The following KCNIP4 variants were observed in gnomAD, a reference collection of about 807,000 sequenced individuals.
The protein encoded by KCNIP4 is Kv channel-interacting protein 4.
A neutral mutation model predicts 34.0 loss-of-function variants in KCNIP4; 12 were observed. That is an observed-to-expected ratio of 0.35 (90% CI 0.23 to 0.57). The LOEUF (loss-of-function observed/expected upper bound fraction) is 0.57. KCNIP4 is among the 20% of genes least tolerant of loss of function. The pLI, the probability that KCNIP4 is intolerant of heterozygous loss-of-function variation, is 0.83. For missense variants in KCNIP4, 238 were observed against 311.7 expected (o/e 0.76, Z 1.78); for synonymous variants, 124 against 102.2 (o/e 1.21, Z -1.29).
intron 2 of KCNIP4, among the ~76,000 whole-genome samples, chr4:20,854,561 A>G (rs186900169): frequency 6.6e-6 from 1 of 152,194 alleles, no homozygotes; most frequent in Non-Finnish European, 1.5e-5. Context: ...TGATGGGTAC[A>G]TCAAAATCTC....
chr4:20,858,023 C>T (rs1245750641), intron 2 of KCNIP4, among the ~76,000 whole-genome samples: 1 of 151,838 alleles, frequency 6.6e-6, no homozygotes, highest in Non-Finnish European at 1.5e-5. Context: ...GCCTGGCCAA[C>T]ATGGCAAAAC....
chr4:20,931,290 C>T (rs145172644), intron 1 of KCNIP4, among the ~76,000 whole-genome samples: 44 of 151,972 alleles, frequency 2.9e-4, no homozygotes, highest in Admixed American at 2.4e-3. Context: ...ATGGGTATAC[C>T]TGAAAAATAT....
intron 1 of KCNIP4, among the ~76,000 whole-genome samples, chr4:21,648,840 A>G (rs1747246803): frequency 6.6e-6 from 1 of 152,184 alleles, no homozygotes; most frequent in African/African-American, 2.4e-5. Context: ...CGCACATCAT[A>G]GAAAGTCAAA....
intron 5 of KCNIP4, among the ~76,000 whole-genome samples, chr4:20,748,554 C>T (rs968977038): frequency 4.1e-5 from 4 of 98,176 alleles, no homozygotes; most frequent in African/African-American, 1.5e-4. Context: ...ATGCACCTTC[C>T]AAATTTTATA....
intron 3 of KCNIP4, among the ~76,000 whole-genome samples, chr4:20,782,922 G>A (rs1459416886): frequency 1.3e-5 from 2 of 152,114 alleles, no homozygotes; most frequent in Non-Finnish European, 2.9e-5. Flanking sequence ...AAAATGGAAT[G>A]CTTTTAACAG....
At chr4:21,764,261 G>A (rs1410238127) in intron 1 of KCNIP4, among the ~76,000 whole-genome samples, 1 of 152,058 alleles carries the variant, frequency 6.6e-6, no homozygotes, top group Non-Finnish European at 1.5e-5. Context: ...ACACCAGCCA[G>A]GGAGACAAAC....
At chr4:21,477,827 C>T (rs1294744499) in intron 1 of KCNIP4, among the ~76,000 whole-genome samples, 1 of 152,172 alleles carries the variant, frequency 6.6e-6, no homozygotes, top group Non-Finnish European at 1.5e-5. Context: ...GAAGCATTCC[C>T]CAAGTGTCAG....
chr4:20,753,301 GA>G (rs1413827868), intron 4 of KCNIP4, among the ~76,000 whole-genome samples: 1 of 152,012 alleles, frequency 6.6e-6, no homozygotes, highest in African/African-American at 2.4e-5. Context: ...TACTAGAGTA[GA>G]AAAAACCCCT....
chr4:20,814,110 G>A (rs993131171), intron 3 of KCNIP4, among the ~76,000 whole-genome samples: 5 of 152,110 alleles, frequency 3.3e-5, no homozygotes, highest in Non-Finnish European at 5.9e-5. Flanking sequence ...GTATGGTGCT[G>A]GGAAGGGTCC....
chr4:21,341,433 G>A (rs1046956980), intron 1 of KCNIP4, among the ~76,000 whole-genome samples: 24 of 152,234 alleles, frequency 1.6e-4, no homozygotes, highest in African/African-American at 5.5e-4. Context: ...GCAAGTAATT[G>A]TGCAAACATG....
chr4:21,372,805 C>A (rs1053125126), intron 1 of KCNIP4, among the ~76,000 whole-genome samples: 13 of 145,690 alleles, frequency 8.9e-5, no homozygotes, highest in Non-Finnish European at 5.9e-5. Flanking sequence ...CTAGATCAGG[C>A]AGTTTTTGTG....
At chr4:21,590,838 C>T (rs1742149328) in intron 1 of KCNIP4, among the ~76,000 whole-genome samples, 1 of 151,896 alleles carries the variant, frequency 6.6e-6, no homozygotes, top group Non-Finnish European at 1.5e-5. Flanking sequence ...GATCCTCTCT[C>T]TCTCTTAAAA....
In KCNIP4 at chr4:21,031,149, T is replaced by C. The variant is rs137945103; in HGVS notation, c.62-148440A>G. On this transcript the variant is annotated intron_variant, in intron 1 of 8. Transcript: ENST00000382152. ...ACTATACAACCTTCCTTAGCTTTCC[T>C]CTCTTCCTTGTTCCCCATTCCCACT... Among the ~76,000 whole-genome samples the C allele has an allele frequency of 3.3e-3, 505 of 152,316 alleles. 3 individuals carry two copies. Among genetic ancestry groups the C allele is most frequent in the African/African-American group, 0.011 (460 of 41,586 alleles).
At chr4:21,309,103 A>G (rs956384736) in intron 1 of KCNIP4, among the ~76,000 whole-genome samples, 3 of 152,238 alleles carry the variant, frequency 2.0e-5, no homozygotes, top group Admixed American at 6.5e-5. Context: ...AAGAAAAATA[A>G]TGTTTATAAA....
intron 1 of KCNIP4, among the ~76,000 whole-genome samples, chr4:20,982,142 C>T (rs1367195554): frequency 5.3e-5 from 8 of 152,164 alleles, no homozygotes; most frequent in East Asian, 1.9e-4. Context: ...ACATTATTAA[C>T]TTTGACAATA....
At chr4:21,837,569 A>C (rs1256589074) in intron 1 of KCNIP4, among the ~76,000 whole-genome samples, 1 of 150,914 alleles carries the variant, frequency 6.6e-6, no homozygotes, top group Non-Finnish European at 1.5e-5. Flanking sequence ...AGAAAGAAAG[A>C]AAAGAAAAGA....
intron 2 of KCNIP4, among the ~76,000 whole-genome samples, chr4:20,879,628 C>T (rs370430712): frequency 1.3e-5 from 2 of 152,226 alleles, no homozygotes; most frequent in South Asian, 2.1e-4. Context: ...TTAATGCTTT[C>T]GTTTGAGGCA....
At chr4:21,139,120 A>G (rs6448025) in intron 1 of KCNIP4, among the ~76,000 whole-genome samples, 80,026 of 151,714 alleles carry the variant, frequency 0.53, 21,663 homozygotes, top group African/African-American at 0.64. Context: ...TTTATGTTAG[A>G]TTTCTTTAAA....
chr4:21,092,368 A>G (rs1235964915), intron 1 of KCNIP4, among the ~76,000 whole-genome samples: 1 of 152,148 alleles, frequency 6.6e-6, no homozygotes, highest in East Asian at 1.9e-4. Context: ...GTCAGTCTAA[A>G]AGGAATAATC....
Sources: allele counts gnomAD v4.1 joint callset (sites outside exome capture counted in the v4.1 genomes callset), GRCh38; gene constraint gnomAD v4.1.1; transcripts MANE v1.5; gene names NCBI Gene and HGNC (gene_info 2026-07-23, HGNC 2026-07-21).